CEP112: variants seen among roughly 807,000 people sequenced by gnomAD.
CEP112 encodes the protein centrosomal protein of 112 kDa.
Under a neutral mutation model 153.0 loss-of-function variants are expected in CEP112, and 127 were observed. The observed-to-expected ratio is 0.83, with a 90% CI of 0.72 to 0.96. The LOEUF (loss-of-function observed/expected upper bound fraction) is 0.96, where lower values mean the gene tolerates loss of function less well. CEP112 is among the 40% of genes least tolerant of loss of function. The probability of loss-of-function intolerance (pLI) is 0.00; values close to 1 mark genes in which losing one functional copy is unlikely to be tolerated. For synonymous variants in CEP112, 358 were observed against 374.4 expected, an observed-to-expected ratio of 0.96 and a Z score of 0.51; for missense variants, 1,089 against 1,101.2, an observed-to-expected ratio of 0.99 and a Z score of 0.16.
chr17:65,994,948 C>T (rs1304247855), intron 17 of CEP112, among the ~76,000 whole-genome samples: 11 of 152,120 alleles, frequency 7.2e-5, no homozygotes, highest in Non-Finnish European at 2.9e-5. Flanking sequence ...ACCATCAACC[C>T]CTGAACTAAA....
intron 8 of CEP112, among the ~76,000 whole-genome samples, chr17:66,079,860 C>T (rs1239410501): frequency 2.0e-5 from 3 of 152,080 alleles, no homozygotes; most frequent in Non-Finnish European, 4.4e-5. Context: ...CGCCACACAT[C>T]TACAACCATC....
rs530087398 is a variant in CEP112 at position 65,898,698 on chromosome 17, T to C, written c.2163+3454A>G. ...CAATATATTTTTCAGATATGGCTGA[T>C]GACCTTCTGCAAGGTTGCTGCATTT... On this transcript the variant is annotated intron_variant, in intron 20 of 26. Transcript: ENST00000535342. 4.9e-4 allele frequency among the ~76,000 whole-genome samples: 74 copies of C among 152,320 alleles called. No individual in the cohort carries two copies. In the South Asian group the frequency reaches 5.8e-3, roughly 12 times the overall value.
chr17:65,725,734 C>T (rs1231758910), intron 23 of CEP112, among the ~76,000 whole-genome samples: 1 of 152,120 alleles, frequency 6.6e-6, no homozygotes, highest in Non-Finnish European at 1.5e-5. Context: ...AAGAGAAAAT[C>T]AGAAGGATGA....
chr17:66,054,478 A>T (rs1472260428), intron 11 of CEP112, among the ~76,000 whole-genome samples: 1 of 152,228 alleles, frequency 6.6e-6, no homozygotes, highest in Non-Finnish European at 1.5e-5. Flanking sequence ...TATAAAAATC[A>T]TTATGTATAT....
intron 17 of CEP112, among the ~76,000 whole-genome samples, chr17:65,965,250 A>C (rs2144819136): frequency 6.6e-6 from 1 of 152,342 alleles, no homozygotes; most frequent in South Asian, 2.1e-4. Flanking sequence ...GCCATTTTAA[A>C]ATATGAAAAC....
chr17:66,014,516 A>C (rs1871289887), intron 16 of CEP112, among the ~76,000 whole-genome samples: 1 of 152,092 alleles, frequency 6.6e-6, no homozygotes, highest in African/African-American at 2.4e-5. Flanking sequence ...CCCCCTGCAA[A>C]CATTCCCTCA....
intron 21 of CEP112, among the ~76,000 whole-genome samples, chr17:65,789,153 G>C (rs917106969): frequency 5.9e-5 from 9 of 152,142 alleles, no homozygotes; most frequent in Non-Finnish European, 1.3e-4. Context: ...TCTTGAGTCT[G>C]TTCCTTCTCA....
intron 21 of CEP112, among the ~76,000 whole-genome samples, chr17:65,767,999 G>C (rs965083556): frequency 8.5e-5 from 13 of 152,094 alleles, no homozygotes; most frequent in Admixed American, 2.6e-4. Context: ...AAAAGAGCTG[G>C]ATAATACAGC....
chr17:65,730,680 G>C (rs1358890390), intron 23 of CEP112, among the ~76,000 whole-genome samples: 1 of 152,046 alleles, frequency 6.6e-6, no homozygotes, highest in Non-Finnish European at 1.5e-5. Flanking sequence ...AATGAGGTTT[G>C]TAATTTTATT....
At chr17:65,727,982 A>G (rs188928924) in intron 23 of CEP112, among the ~76,000 whole-genome samples, 162 of 152,338 alleles carry the variant, frequency 1.1e-3, no homozygotes, top group Non-Finnish European at 1.9e-3. Context: ...AGGGTTGGCA[A>G]ACTACAGCCA....
At chr17:66,005,834 C>A in intron 16 of CEP112, 65 bp from the exon 17 acceptor site, 5 of 1,359,984 alleles carry the variant, frequency 3.7e-6, no homozygotes, top group South Asian at 1.3e-5. Flanking sequence ...AAGAGACATA[C>A]AAACAATGAA....
At chr17:65,905,733 T>C (rs2060049515) in intron 19 of CEP112, among the ~76,000 whole-genome samples, 1 of 151,942 alleles carries the variant, frequency 6.6e-6, no homozygotes, top group Non-Finnish European at 1.5e-5. Context: ...GTCAAGACCA[T>C]CTTGGCTAAC....
At chr17:66,129,889 T>C (rs2070050427) in intron 5 of CEP112, 66 bp from the exon 6 acceptor site, 4 of 993,416 alleles carry the variant, frequency 4.0e-6, no homozygotes, top group South Asian at 1.6e-5. Flanking sequence ...AAGGAAAAGA[T>C]GGAAGAGATA....
chr17:65,952,855 CTTG>C (rs1460852904), intron 18 of CEP112, among the ~76,000 whole-genome samples: 1 of 151,872 alleles, frequency 6.6e-6, no homozygotes, highest in African/African-American at 2.4e-5. Context: ...TTTGCATTTC[CTTG>C]ATGAATGATG....
intron 23 of CEP112, among the ~76,000 whole-genome samples, chr17:65,742,690 A>G (rs910000687): frequency 6.6e-6 from 1 of 152,376 alleles, no homozygotes; most frequent in African/African-American, 2.4e-5. Flanking sequence ...GGATGTGGGC[A>G]AAGAACAGAA....
At chr17:65,794,704 C>T (rs9915849) in intron 21 of CEP112, among the ~76,000 whole-genome samples, 151,051 of 152,338 alleles carry the variant, frequency 0.99, 74,900 homozygotes, top group Middle Eastern at 1. Flanking sequence ...GGTTGATGGA[C>T]GGCATGACAA....
chr17:65,852,039 T>C lies in CEP112; in HGVS notation c.2164-5A>G, dbSNP rs2057953075. 1 of 1,592,350 alleles carries C rather than the reference T, an allele frequency of 6.3e-7. No homozygotes were observed. The highest frequency in any genetic ancestry group is 8.5e-7 in the Non-Finnish European group (1 of 1,172,724). On this transcript the variant is annotated splice_region_variant and splice_polypyrimidine_tract_variant and intron_variant, in intron 20 of 26. Coordinates refer to ENST00000535342, the MANE Select transcript of CEP112 (RefSeq NM_001199165.4). ...GGCCTCCATGTCGGCAATAACCTTGTTTTTAAAAATGGAAAAATGGGCAGA... is the reference window on the plus strand; with the variant it reads ...GGCCTCCATGTCGGCAATAACCTTGCTTTTAAAAATGGAAAAATGGGCAGA...
At chr17:65,968,704 A>T (rs142371954) in intron 17 of CEP112, among the ~76,000 whole-genome samples, 16 of 152,340 alleles carry the variant, frequency 1.1e-4, no homozygotes, top group Non-Finnish European at 2.4e-4. Context: ...CATTTTTTAG[A>T]TGAAAACACT....
intron 21 of CEP112, among the ~76,000 whole-genome samples, chr17:65,847,404 G>A (rs997306413): frequency 6.6e-6 from 1 of 152,168 alleles, no homozygotes; most frequent in South Asian, 2.1e-4. Flanking sequence ...CTGTTCAGCT[G>A]GAAGCCTGTT....
Sources: gnomAD v4.1 joint callset for allele counts (sites outside exome capture counted in the v4.1 genomes callset) on GRCh38, gnomAD v4.1.1 for gene constraint, MANE v1.5 for transcripts, NCBI Gene and HGNC (gene_info 2026-07-23, HGNC 2026-07-21) for gene names.